KALRN: variants seen among roughly 807,000 people sequenced by gnomAD.
KALRN encodes the protein kalirin RhoGEF kinase, also known as kalirin.
Under a neutral mutation model 353.7 loss-of-function variants are expected in KALRN, and 70 were observed. The observed-to-expected ratio is 0.20, with a 90% CI of 0.16 to 0.24. KALRN has a LOEUF of 0.24. Ranked by LOEUF, KALRN falls within the 10% of genes least tolerant of loss-of-function variation. The pLI is 1.00. For missense variants in KALRN, 2,791 were observed against 3,756.7 expected (o/e 0.74, Z 6.72); for synonymous variants, 1,391 against 1,434.8 (o/e 0.97, Z 0.69).
intron 1 of KALRN, among the ~76,000 whole-genome samples, chr3:124,127,413 A>T (rs938142760): frequency 6.6e-6 from 1 of 152,144 alleles, no homozygotes; most frequent in African/African-American, 2.4e-5. Context: ...CTACACTCCA[A>T]TATGTACCTG....
Position 124,618,086 on chromosome 3 carries a change from C to CTTTTTTTTTTTTTT in KALRN, c.5183-14307_5183-14294dup, listed in dbSNP as rs71145464. Among the ~76,000 whole-genome samples the CTTTTTTTTTTTTTT allele has an allele frequency of 6.3e-5, 4 of 63,336 alleles. 1 individual carries two copies. The highest frequency in any genetic ancestry group is 1.1e-4 in the Non-Finnish European group (4 of 36,066). The allele number at this position is 63,336 out of a possible 152,430, so 41.6% of individuals were successfully genotyped here. A position where few individuals can be genotyped will look rare whatever the true frequency, so the allele number is the denominator to read the frequency against. The stretch of plus-strand genomic sequence containing the variant: ...GGAAAGAAAATACCAGTGCAGAAAT[C>CTTTTTTTTTTTTTT]TTTTTTTTTTTTTTTTTTTTTTTTT... On this transcript the variant is annotated intron_variant, in intron 34 of 59. Transcript: ENST00000682506.
At chr3:124,512,241 C>T (rs1206766231) in intron 33 of KALRN, among the ~76,000 whole-genome samples, 1 of 152,184 alleles carries the variant, frequency 6.6e-6, no homozygotes, top group Admixed American at 6.5e-5. Flanking sequence ...TCGGGTCCTC[C>T]ACAAGCTCAT....
intron 11 of KALRN, among the ~76,000 whole-genome samples, chr3:124,388,368 TC>T (rs2088770326): frequency 6.6e-6 from 1 of 152,122 alleles, no homozygotes; most frequent in African/African-American, 2.4e-5. Context: ...CATGGGTGCT[TC>T]CAACTTTCAC....
chr3:124,593,005 C>T (rs755844657), intron 34 of KALRN, among the ~76,000 whole-genome samples: 1 of 152,168 alleles, frequency 6.6e-6, no homozygotes, highest in African/African-American at 2.4e-5. Flanking sequence ...GCAGTACCTC[C>T]TAAAATGTTT....
chr3:124,260,635 C>T (rs540705155), intron 3 of KALRN, among the ~76,000 whole-genome samples: 2 of 152,032 alleles, frequency 1.3e-5, no homozygotes, highest in Admixed American at 1.3e-4. Flanking sequence ...AGGAGCTTGG[C>T]CTAGAAGGGG....
intron 34 of KALRN, chr3:124,584,986 G>C (rs2075006124): frequency 2.7e-6 from 3 of 1,102,314 alleles, no homozygotes; most frequent in Admixed American, 2.3e-5. Flanking sequence ...GGTAGGGAGG[G>C]AAGGGTTGGG....
chr3:124,518,265 C>T (rs2066845641), intron 33 of KALRN: 9 of 777,208 alleles, frequency 1.2e-5, no homozygotes, highest in South Asian at 6.0e-5. Context: ...TCAGGTTGCA[C>T]TCTGCACTGG....
rs375476852 is a variant in KALRN, at chr3:124,281,707, A to G, written c.969+12452A>G. Among the ~76,000 whole-genome samples the G allele has an allele frequency of 8.5e-5, 13 of 152,238 alleles. No homozygotes were observed. The East Asian group carries it at 1.5e-3, about 18-fold the overall frequency. On this transcript the variant is annotated intron_variant, in intron 5 of 59. Transcript: ENST00000682506. ...ATCCCCCTCAAATTGTCCCTGTTCC[A>G]TGCCATCTAGCATTATAGCTAGGTG...
At chr3:124,607,925 T>G (rs1366166225) in intron 34 of KALRN, among the ~76,000 whole-genome samples, 2 of 152,308 alleles carry the variant, frequency 1.3e-5, no homozygotes, top group Non-Finnish European at 2.9e-5. Flanking sequence ...GTTTTTATAA[T>G]TAACATTGTA....
intron 9 of KALRN, among the ~76,000 whole-genome samples, chr3:124,335,830 CAAGTATAATCT>C (rs1229164368): frequency 6.6e-6 from 1 of 152,000 alleles, no homozygotes; most frequent in African/African-American, 2.4e-5. Context: ...AGGTATAATC[CAAGTATAATCT>C]AATTTATCTA....
chr3:124,151,383 T>C (rs1428331257), intron 1 of KALRN, among the ~76,000 whole-genome samples: 1 of 152,238 alleles, frequency 6.6e-6, no homozygotes, highest in Non-Finnish European at 1.5e-5. Flanking sequence ...TTCTGCTAGG[T>C]ATGTGGTAGT....
Position 124,723,087 on chromosome 3 carries a change from C to T in KALRN, c.*3617C>T, listed in dbSNP as rs2063379157. The T allele has an allele frequency of 6.6e-6, 1 of 152,108 alleles. No homozygotes were observed. The highest frequency in any genetic ancestry group is 1.5e-5 in the Non-Finnish European group (1 of 68,032). The allele number at this position is 152,108 out of a possible 1,614,324, so 9.4% of individuals were successfully genotyped here. A position where few individuals can be genotyped will look rare whatever the true frequency, so the allele number is the denominator to read the frequency against. ...TTGGAGATATCCTTCAGGTCTCTCT[C>T]AGCCATAAACAATGTAAGGGGGAGT... On this transcript the variant is annotated 3_prime_UTR_variant, in exon 60 of 60. Transcript: ENST00000682506.
At chr3:124,345,075 C>G (rs1486993724) in intron 9 of KALRN, among the ~76,000 whole-genome samples, 1 of 152,030 alleles carries the variant, frequency 6.6e-6, no homozygotes, top group African/African-American at 2.4e-5. Flanking sequence ...GAAAACATTG[C>G]CAGACAAGCA....
At chr3:124,047,650 G>A (rs1325955675) in intron 1 of KALRN, among the ~76,000 whole-genome samples, 1 of 149,056 alleles carries the variant, frequency 6.7e-6, no homozygotes, top group Non-Finnish European at 1.5e-5. Flanking sequence ...CCGCCACCAC[G>A]CCTGGCTAAT....
At chr3:124,441,013 A>AG (rs2093650274) in intron 18 of KALRN, among the ~76,000 whole-genome samples, 1 of 152,086 alleles carries the variant, frequency 6.6e-6, no homozygotes. Context: ...TGAGTCGTAA[A>AG]GGGGGTAGGT....
chr3:124,508,046 G>A (rs1005615452), intron 33 of KALRN, among the ~76,000 whole-genome samples: 4 of 152,000 alleles, frequency 2.6e-5, no homozygotes, highest in African/African-American at 9.7e-5. Flanking sequence ...AAAGTTATGG[G>A]TCAATCTGAT....
chr3:124,328,206 G>A (rs751630207), intron 7 of KALRN, among the ~76,000 whole-genome samples: 11 of 152,132 alleles, frequency 7.2e-5, no homozygotes, highest in Admixed American at 6.6e-5. Flanking sequence ...TCTTTTTGTC[G>A]CCGTTGTTAA....
At chr3:124,195,654 G>A (rs1397575072) in intron 1 of KALRN, among the ~76,000 whole-genome samples, 6 of 152,100 alleles carry the variant, frequency 3.9e-5, no homozygotes, top group Non-Finnish European at 8.8e-5. Flanking sequence ...CATAGAATTG[G>A]CTCCACAAGA....
At chr3:124,646,412 A>ATTTTTTTTTTTTTTTTT (rs1559758779) in intron 37 of KALRN, among the ~76,000 whole-genome samples, 12 of 125,550 alleles carry the variant, frequency 9.6e-5, no homozygotes, top group African/African-American at 3.6e-4. Flanking sequence ...TTTTTTTGAG[A>ATTTTTTTTTTTTTTTTT]CAGAGCCTTG....
Sources: allele counts gnomAD v4.1 joint callset (sites outside exome capture counted in the v4.1 genomes callset), GRCh38; gene constraint gnomAD v4.1.1; transcripts MANE v1.5; gene names NCBI Gene and HGNC (gene_info 2026-07-23, HGNC 2026-07-21).